Variants in MS4A4E observed in about 807,000 individuals in gnomAD.
MS4A4E encodes the protein membrane spanning 4-domains A4E, also known as putative membrane-spanning 4-domains subfamily A member 4E.
In MS4A4E, 23 loss-of-function variants were observed where a neutral mutation model predicts 13.3. That is an observed-to-expected ratio of 1.73 (90% CI 1.25 to 2.45). MS4A4E has a LOEUF of 2.45. Ranked by LOEUF, MS4A4E falls within the 30% of genes most tolerant of loss-of-function variation. The probability of loss-of-function intolerance (pLI) is 0.00; values close to 1 mark genes in which losing one functional copy is unlikely to be tolerated. For missense variants in MS4A4E, 144 were observed against 131.2 expected, an observed-to-expected ratio of 1.10 and a Z score of -0.48; for synonymous variants, 36 against 45.6, an observed-to-expected ratio of 0.79 and a Z score of 0.85.
At chr11:60,214,333 A>C (rs746896351) in intron 4 of MS4A4E, among the ~76,000 whole-genome samples, 1 of 152,218 alleles carries the variant, frequency 6.6e-6, no homozygotes, top group Non-Finnish European at 1.5e-5. Flanking sequence ...TGTTCTAAAT[A>C]ATTTTCCATA....
intron 1 of MS4A4E, among the ~76,000 whole-genome samples, chr11:60,239,179 C>T (rs751353443): frequency 1.3e-5 from 2 of 152,192 alleles, no homozygotes; most frequent in Admixed American, 1.3e-4. Context: ...AATTTTGGCC[C>T]TGCCACTCCT....
intron 1 of MS4A4E, among the ~76,000 whole-genome samples, chr11:60,240,298 A>G (rs1251614243): frequency 6.6e-6 from 1 of 152,184 alleles, no homozygotes; most frequent in African/African-American, 2.4e-5. Context: ...TCCATCAATC[A>G]TATTCTAATT....
chr11:60,203,812 A>G (rs1370314224), intron 8 of MS4A4E, among the ~76,000 whole-genome samples: 1 of 152,218 alleles, frequency 6.6e-6, no homozygotes, highest in Non-Finnish European at 1.5e-5. Context: ...AAAGAAGGCA[A>G]AGTTTTCATG....
At chr11:60,232,284 AACACAC>A (rs3221531) in intron 1 of MS4A4E, among the ~76,000 whole-genome samples, 2,494 of 130,220 alleles carry the variant, frequency 0.019, 52 homozygotes, top group African/African-American at 0.055. Flanking sequence ...CATCGCCATC[AACACAC>A]ACACACACAC....
At chr11:60,214,649 G>A (rs1354304244) in intron 3 of MS4A4E, 35 bp from the exon 4 acceptor site, 2 of 1,419,656 alleles carry the variant, frequency 1.4e-6, no homozygotes, top group East Asian at 2.5e-5. Flanking sequence ...AGAAAAAAAT[G>A]GAGATAAAAA....
intron 1 of MS4A4E, among the ~76,000 whole-genome samples, chr11:60,233,564 C>G (rs1177971795): frequency 6.6e-6 from 1 of 152,332 alleles, no homozygotes; most frequent in South Asian, 2.1e-4. Flanking sequence ...GACCTCAGCT[C>G]GCACTGCCAC....
intron 3 of MS4A4E, 76 bp from the exon 4 acceptor site, chr11:60,214,690 A>G (rs1337004900): frequency 1.1e-6 from 1 of 939,896 alleles, no homozygotes; most frequent in East Asian, 2.8e-5. Flanking sequence ...ATCACAACTT[A>G]GTAAACTTTA....
chr11:60,221,106 T>C (rs11230198), intron 3 of MS4A4E, among the ~76,000 whole-genome samples: 18,865 of 152,184 alleles, frequency 0.12, 1,240 homozygotes, highest in South Asian at 0.16. Flanking sequence ...GGCCCTGCCA[T>C]CTTCTGCAGA....
chr11:60,237,350 G>A (rs1244506629), intron 1 of MS4A4E, among the ~76,000 whole-genome samples: 1 of 152,080 alleles, frequency 6.6e-6, no homozygotes, highest in African/African-American at 2.4e-5. Flanking sequence ...GCCTACTATT[G>A]ATGGGCATTT....
intron 3 of MS4A4E, among the ~76,000 whole-genome samples, chr11:60,222,184 C>T (rs1205330722): frequency 1.3e-5 from 2 of 152,216 alleles, no homozygotes; most frequent in East Asian, 3.8e-4. Flanking sequence ...GGTTTTTCCT[C>T]ACCAGAATAG....
intron 3 of MS4A4E, 77 bp from the exon 4 acceptor site, chr11:60,214,691 G>A: frequency 1.1e-6 from 1 of 936,200 alleles, no homozygotes; most frequent in Non-Finnish European, 1.6e-6. Context: ...TCACAACTTA[G>A]TAAACTTTAT....
At position 60,205,193 on chromosome 11, in the gene MS4A4E, A is replaced by G. The variant is rs545733526; in HGVS notation, c.591-235T>C. Among the ~76,000 whole-genome samples the G allele has an allele frequency of 2.0e-5, 3 of 152,298 alleles. No homozygotes were observed. The East Asian group carries it at 5.8e-4, about 29-fold the overall frequency. On this transcript the variant is annotated intron_variant, in intron 7 of 8. Coordinates refer to ENST00000651255, the MANE Select transcript of MS4A4E (RefSeq NM_001393391.1). ...TCCTGGTTACTCTCTAATGACTCAT[A>G]TTTCACAACCACTACCAACAACCAC...
At chr11:60,241,451 C>G (rs1021493684) in intron 1 of MS4A4E, among the ~76,000 whole-genome samples, 7 of 152,138 alleles carry the variant, frequency 4.6e-5, no homozygotes, top group Non-Finnish European at 8.8e-5. Flanking sequence ...TAGTGCCTCT[C>G]GGGTAAGGCT....
At chr11:60,233,431 T>G (rs2084438517) in intron 1 of MS4A4E, among the ~76,000 whole-genome samples, 1 of 152,240 alleles carries the variant, frequency 6.6e-6, no homozygotes. Flanking sequence ...TCCATGGGCT[T>G]GAGTTACTGA....
At chr11:60,230,771 T>C (rs1452429679) in intron 1 of MS4A4E, among the ~76,000 whole-genome samples, 3 of 152,236 alleles carry the variant, frequency 2.0e-5, no homozygotes, top group Admixed American at 2.0e-4. Context: ...GTATAATGAT[T>C]CCAACCAAGT....
At chr11:60,225,124 C>A in intron 3 of MS4A4E, 1 of 1,482,504 alleles carries the variant, frequency 6.7e-7, no homozygotes. Flanking sequence ...AACTGATTAT[C>A]CACCACAAAA....
At chr11:60,240,274 C>T (rs1465441375) in intron 1 of MS4A4E, among the ~76,000 whole-genome samples, 1 of 152,178 alleles carries the variant, frequency 6.6e-6, no homozygotes, top group Non-Finnish European at 1.5e-5. Context: ...CCTTCCGTTA[C>T]ATACCTTCTA....
intron 1 of MS4A4E, among the ~76,000 whole-genome samples, chr11:60,231,267 T>C (rs189920377): frequency 6.7e-6 from 1 of 149,744 alleles, no homozygotes; most frequent in African/African-American, 2.4e-5. Context: ...AAGTACAAAA[T>C]TACAAATTAT....
At chr11:60,212,043 A>C (rs990484594) in intron 5 of MS4A4E, among the ~76,000 whole-genome samples, 10 of 152,238 alleles carry the variant, frequency 6.6e-5, no homozygotes, top group East Asian at 3.8e-4. Flanking sequence ...CAAAACATCA[A>C]GAACTTTTAT....
Sources: allele counts gnomAD v4.1 joint callset (sites outside exome capture counted in the v4.1 genomes callset), GRCh38; gene constraint gnomAD v4.1.1; transcripts MANE v1.5; gene names NCBI Gene and HGNC (gene_info 2026-07-23, HGNC 2026-07-21).